RGS6: variants seen among roughly 807,000 people sequenced by gnomAD.
RGS6 encodes the protein regulator of G protein signaling 6.
RGS6 carries 30 observed loss-of-function variants against 78.5 expected under a neutral mutation model. The observed-to-expected ratio is 0.38, with a 90% CI of 0.29 to 0.52. RGS6 has a LOEUF of 0.52. Ranked by LOEUF, RGS6 falls within the 20% of genes least tolerant of loss-of-function variation. RGS6 has a pLI of 0.85. For missense variants in RGS6, 495 were observed against 609.7 expected, an observed-to-expected ratio of 0.81 and a Z score of 1.98; for synonymous variants, 206 against 206.0, an observed-to-expected ratio of 1.00 and a Z score of 0.00.
At chr14:72,186,314 A>C (rs1193960021) in intron 2 of RGS6, among the ~76,000 whole-genome samples, 1 of 152,218 alleles carries the variant, frequency 6.6e-6, no homozygotes, top group African/African-American at 2.4e-5. Flanking sequence ...ACGCAGATGG[A>C]ATACAGCCGA....
At chr14:72,018,981 A>G (rs575941526) in intron 2 of RGS6, among the ~76,000 whole-genome samples, 1 of 152,280 alleles carries the variant, frequency 6.6e-6, no homozygotes, top group South Asian at 2.1e-4. Context: ...TCTTGCTGAA[A>G]TGAGAGGCTG....
At position 72,509,344 on chromosome 14, in the gene RGS6, G is replaced by A. The variant is rs113394884; in HGVS notation, c.966-810G>A. Reference sequence around the variant, plus strand: ...CACGCCACTGCACTCCAGCCTGGGCGGCAAAGTGAGACTCCATCTCAAGAA... The same window carrying A: ...CACGCCACTGCACTCCAGCCTGGGCAGCAAAGTGAGACTCCATCTCAAGAA... On this transcript the variant is annotated intron_variant, in intron 13 of 17. Transcript: ENST00000553525. Among the ~76,000 whole-genome samples the A allele has an allele frequency of 3.5e-3, 528 of 149,458 alleles. 7 individuals carry two copies. The highest frequency in any genetic ancestry group is 0.012 in the African/African-American group (506 of 40,860).
intron 2 of RGS6, among the ~76,000 whole-genome samples, chr14:72,239,331 C>A (rs1567551547): frequency 1.3e-5 from 2 of 152,158 alleles, no homozygotes; most frequent in South Asian, 4.1e-4. Flanking sequence ...GGAAGTCATA[C>A]TTTGCCATTT....
intron 2 of RGS6, among the ~76,000 whole-genome samples, chr14:71,978,884 A>T (rs975740545): frequency 2.1e-5 from 3 of 145,330 alleles, no homozygotes; most frequent in Admixed American, 6.9e-5. Flanking sequence ...CTGTGAATCC[A>T]TCTGGTCCTG....
chr14:72,547,373 A>AT, intron 17 of RGS6: 1 of 1,193,704 alleles, frequency 8.4e-7, no homozygotes, highest in Admixed American at 2.3e-5. Flanking sequence ...AAGAAGTAAG[A>AT]CCCCCCCCCG....
At chr14:72,604,735 G>C in the RGS6 span, among the ~76,000 whole-genome samples, 3 of 152,158 alleles carry the variant, frequency 2.0e-5, no homozygotes, top group Non-Finnish European at 2.9e-5. Context: ...CCCCCAGGGA[G>C]GCTCTCTGGA....
intron 2 of RGS6, among the ~76,000 whole-genome samples, chr14:72,071,540 C>T (rs1380746015): frequency 6.6e-6 from 1 of 152,220 alleles, no homozygotes; most frequent in African/African-American, 2.4e-5. Flanking sequence ...GTTTCTGTGG[C>T]TCCATGTCCT....
intron 3 of RGS6, among the ~76,000 whole-genome samples, chr14:72,400,096 C>A (rs1006228727): frequency 6.6e-6 from 1 of 152,064 alleles, no homozygotes. Flanking sequence ...TCTGATTCAC[C>A]GAAGTTGAAA....
chr14:72,540,364 AG>A, intron 17 of RGS6: 1 of 1,455,904 alleles, frequency 6.9e-7, no homozygotes, highest in Non-Finnish European at 9.0e-7. Flanking sequence ...TCATCTGTTC[AG>A]GGCTTTGAGG....
At chr14:71,917,909 C>T in the RGS6 span, among the ~76,000 whole-genome samples, 1 of 151,978 alleles carries the variant, frequency 6.6e-6, no homozygotes, top group East Asian at 1.9e-4. Flanking sequence ...CGCGGTGGCT[C>T]ACGCCTGTAA....
At chr14:72,005,036 A>T (rs1264390456) in intron 2 of RGS6, among the ~76,000 whole-genome samples, 1 of 152,210 alleles carries the variant, frequency 6.6e-6, no homozygotes, top group Non-Finnish European at 1.5e-5. Flanking sequence ...ACAGAAGAGT[A>T]TGTAAAAATG....
chr14:71,948,662 C>G (rs2091889050), intron 1 of RGS6, among the ~76,000 whole-genome samples: 1 of 151,748 alleles, frequency 6.6e-6, no homozygotes, highest in Non-Finnish European at 1.5e-5. Flanking sequence ...GAAACCACCT[C>G]ATGGGCCCTC....
At chr14:72,167,253 A>G (rs2096940794) in intron 2 of RGS6, among the ~76,000 whole-genome samples, 1 of 152,216 alleles carries the variant, frequency 6.6e-6, no homozygotes, top group Non-Finnish European at 1.5e-5. Flanking sequence ...TGGGCCAGAG[A>G]TCACCCTTGG....
chr14:72,607,779 C>A, the RGS6 span, among the ~76,000 whole-genome samples: 1 of 152,226 alleles, frequency 6.6e-6, no homozygotes, highest in Non-Finnish European at 1.5e-5. Flanking sequence ...AAGGCCTGGC[C>A]TTTCCCCTCT....
chr14:72,276,352 C>G (rs1328009009), intron 2 of RGS6, among the ~76,000 whole-genome samples: 1 of 152,146 alleles, frequency 6.6e-6, no homozygotes, highest in African/African-American at 2.4e-5. Context: ...AAAATTGGTT[C>G]TGGGTTGGGA....
the RGS6 span, among the ~76,000 whole-genome samples, chr14:71,926,565 C>G: frequency 4.0e-5 from 5 of 125,074 alleles, no homozygotes; most frequent in East Asian, 1.2e-3. Context: ...GGCTGGGTGA[C>G]AGAGTGAGAC....
Position 72,495,256 on chromosome 14 carries a change from A to G in RGS6, c.959A>G (p.Glu320Gly). Residue 320 changes from glutamate to glycine, a missense_variant, in exon 13 of 18, where the codon GAG (glutamate) becomes GGG (glycine). Glu to Gly is a moderately conservative substitution (Grantham distance 98). Transcript: ENST00000553525. ...GATGACGTTGCTTTGTGGGACATAG[A>G]GATGAGGTAAAAAATGTTTTAAGGT... is the stretch of plus-strand genomic sequence containing the variant. ...ISDDVALWDI[E>G]MSKEPSQQRV... 1 of 1,603,522 alleles carries G rather than the reference A, an allele frequency of 6.2e-7. No homozygotes were observed. Among genetic ancestry groups the G allele is most frequent in the Non-Finnish European group, 8.5e-7 (1 of 1,170,352 alleles).
chr14:72,580,990 G>A, the RGS6 span, among the ~76,000 whole-genome samples: 2 of 152,342 alleles, frequency 1.3e-5, no homozygotes, highest in Admixed American at 1.3e-4. Flanking sequence ...TAGTTCACAG[G>A]CAAGTAGCCT....
At chr14:72,372,918 A>G (rs533024647) in intron 3 of RGS6, among the ~76,000 whole-genome samples, 3 of 152,344 alleles carry the variant, frequency 2.0e-5, no homozygotes, top group East Asian at 3.9e-4. Flanking sequence ...TGAGGCTAAG[A>G]GGCTGCATGG....
Sources: gnomAD v4.1 joint callset for allele counts (sites outside exome capture counted in the v4.1 genomes callset) on GRCh38, gnomAD v4.1.1 for gene constraint, MANE v1.5 for transcripts, NCBI Gene and HGNC (gene_info 2026-07-23, HGNC 2026-07-21) for gene names.